Variants in DCAF10 observed in about 807,000 individuals in gnomAD.
The protein encoded by DCAF10 is DDB1 and CUL4 associated factor 10.
Under a neutral mutation model 51.9 loss-of-function variants are expected in DCAF10, and 19 were observed. That is an observed-to-expected ratio of 0.37 (90% CI 0.26 to 0.54). The LOEUF is 0.54. Ranked by LOEUF, DCAF10 falls within the 20% of genes least tolerant of loss-of-function variation. The pLI is 0.87. For missense variants in DCAF10, 510 were observed against 730.6 expected (o/e 0.70, Z 3.48); for synonymous variants, 291 against 297.1 (o/e 0.98, Z 0.21).
intron 2 of DCAF10, among the ~76,000 whole-genome samples, chr9:37,820,468 A>G (rs1265208887): frequency 6.6e-6 from 1 of 152,206 alleles, no homozygotes; most frequent in Non-Finnish European, 1.5e-5. Flanking sequence ...GTTTGGTTAA[A>G]ATATCTGTCT....
chr9:37,851,895 A>G (rs1033575416), intron 3 of DCAF10, among the ~76,000 whole-genome samples: 3 of 152,036 alleles, frequency 2.0e-5, no homozygotes, highest in African/African-American at 7.2e-5. Context: ...AATATAAAGA[A>G]GCAAGTTATA....
intron 3 of DCAF10, among the ~76,000 whole-genome samples, chr9:37,850,837 T>C (rs1830618708): frequency 1.4e-4 from 2 of 14,112 alleles, no homozygotes; most frequent in Non-Finnish European, 2.9e-4. Flanking sequence ...TATATATATA[T>C]ATATATATAT....
In DCAF10 at chr9:37,816,659, G is replaced by GGGGGGTGTGTGTGTGTGTGTGTGT. The variant is rs372664140; in HGVS notation, c.540-2628_540-2627insGGGGTGTGTGTGTGTGTGTGTGTG. Reference sequence around the variant, plus strand: ...AATCTCAATTAACATCTGCACCTGGGGTGTGTGTGTGTGTGTGTGTGTGTG... The same window carrying GGGGGGTGTGTGTGTGTGTGTGTGT: ...AATCTCAATTAACATCTGCACCTGGGGGGGGTGTGTGTGTGTGTGTGTGTGTGTGTGTGTGTGTGTGTGTGTGTG... On this transcript the variant is annotated intron_variant, in intron 1 of 6. Coordinates refer to ENST00000377724, the MANE Select transcript of DCAF10 (RefSeq NM_024345.5). 2.6e-3 allele frequency among the ~76,000 whole-genome samples: 372 copies of GGGGGGTGTGTGTGTGTGTGTGTGT among 144,960 alleles called. 2 individuals are homozygous for GGGGGGTGTGTGTGTGTGTGTGTGT. Among genetic ancestry groups the GGGGGGTGTGTGTGTGTGTGTGTGT allele is most frequent in the East Asian group, 3.9e-3 (19 of 4,924 alleles).
rs1831051327 is a variant in DCAF10 at position 37,862,834 on chromosome 9, C to T, written c.*1326C>T. On this transcript the variant is annotated 3_prime_UTR_variant, in exon 7 of 7. Coordinates refer to ENST00000377724, the MANE Select transcript of DCAF10 (RefSeq NM_024345.5). ...CTTAGGTTGCATTCTCTTTAGGCCA[C>T]TGGTTCTCAAACATTAGGGTGCACT... is the stretch of plus-strand genomic sequence containing the variant. The T allele has an allele frequency of 6.6e-6, 1 of 152,214 alleles. No individual in the cohort carries two copies. The highest frequency in any genetic ancestry group is 1.5e-5 in the Non-Finnish European group (1 of 68,068). The allele number at this position is 152,214 out of a possible 1,614,324, so 9.4% of individuals were successfully genotyped here. A position where few individuals can be genotyped will look rare whatever the true frequency, so the allele number is the denominator to read the frequency against.
At chr9:37,857,216 T>C in intron 4 of DCAF10, 25 bp from the exon 5 acceptor site, 2 of 1,534,296 alleles carry the variant, frequency 1.3e-6, no homozygotes, top group Non-Finnish European at 1.8e-6. Flanking sequence ...CTAGGTTTAT[T>C]GTCAGAATTT....
chr9:37,857,381 G>A (rs1274064769), intron 5 of DCAF10, 30 bp downstream of exon 5: 6 of 1,469,282 alleles, frequency 4.1e-6, no homozygotes, highest in Non-Finnish European at 5.6e-6. Flanking sequence ...TTATAATCTT[G>A]TAACAACAGA....
intron 5 of DCAF10, among the ~76,000 whole-genome samples, chr9:37,857,651 A>G (rs1307155728): frequency 6.6e-6 from 1 of 152,216 alleles, no homozygotes; most frequent in Admixed American, 6.5e-5. Flanking sequence ...TGTTGTGAAA[A>G]TTAAGTGAGA....
rs751004535 is a variant in DCAF10 at position 37,801,433 on chromosome 9, G to A, written c.539+28G>A. ...AAGCGCGGCCCCTCGGAGGGCGGGC[G>A]CCCGCCTCCGCCCGGCTCTGCTGCC... On this transcript the variant is annotated intron_variant, in intron 1 of 6. Coordinates refer to ENST00000377724, the MANE Select transcript of DCAF10 (RefSeq NM_024345.5). This position sits in a 1 kb window ranked among gnomAD's most constrained non-coding sequence, Gnocchi z 5.5. 1.4e-6 allele frequency: 2 copies of A among 1,404,578 alleles called. No homozygotes were observed. The highest frequency in any genetic ancestry group is 1.5e-5 in the African/African-American group (1 of 66,628). 87.0% of individuals were successfully genotyped at this position (1,404,578 alleles called of 1,614,324 possible). A position where few individuals can be genotyped will look rare whatever the true frequency, so the allele number is the denominator to read the frequency against.
chr9:37,810,458 TC>T (rs1829303377), intron 1 of DCAF10, among the ~76,000 whole-genome samples: 1 of 142,688 alleles, frequency 7.0e-6, no homozygotes, highest in Non-Finnish European at 1.6e-5. Flanking sequence ...TTTCTTTCTT[TC>T]TTTCTTTTTT....
rs572576722 is a variant in DCAF10 at position 37,833,191 on chromosome 9, A to G, written c.654-8898A>G. Among the ~76,000 whole-genome samples the G allele has an allele frequency of 2.0e-5, 3 of 152,386 alleles. No individual in the cohort carries two copies. In the South Asian group the frequency reaches 6.2e-4, roughly 32 times the overall value. ...ATACTACAAATTCAAATATGAAGTA[A>G]GGATGTCATATTCTGCTATCATTAT... On this transcript the variant is annotated intron_variant, in intron 2 of 6. Coordinates refer to ENST00000377724, the MANE Select transcript of DCAF10 (RefSeq NM_024345.5).
At chr9:37,847,192 G>A (rs951471493) in intron 3 of DCAF10, among the ~76,000 whole-genome samples, 3 of 140,638 alleles carry the variant, frequency 2.1e-5, no homozygotes, top group Non-Finnish European at 4.5e-5. Flanking sequence ...GGTGGAAGTT[G>A]CAGTGAGCCA....
At chr9:37,821,125 A>G (rs1829690310) in intron 2 of DCAF10, among the ~76,000 whole-genome samples, 2 of 152,146 alleles carry the variant, frequency 1.3e-5, no homozygotes, top group African/African-American at 4.8e-5. Context: ...ACACTCACAC[A>G]TATGTACATT....
intron 2 of DCAF10, chr9:37,836,235 C>CT: frequency 7.1e-6 from 11 of 1,549,084 alleles, no homozygotes; most frequent in Non-Finnish European, 9.8e-6. Context: ...GTTAGAACAT[C>CT]TAACTGGAAG....
chr9:37,822,110 A>G (rs1829721010), intron 2 of DCAF10, among the ~76,000 whole-genome samples: 2 of 152,166 alleles, frequency 1.3e-5, no homozygotes, highest in African/African-American at 4.8e-5. Flanking sequence ...CAAAAAATCA[A>G]AAAACAGTAG....
intron 2 of DCAF10, among the ~76,000 whole-genome samples, chr9:37,828,125 C>CT: frequency 6.6e-6 from 1 of 152,210 alleles, no homozygotes; most frequent in East Asian, 1.9e-4. Context: ...TGACCTCAAG[C>CT]GATCCTCCCA....
chr9:37,860,241 G>A (rs1259918622), intron 6 of DCAF10, 48 bp downstream of exon 6: 1 of 1,610,228 alleles, frequency 6.2e-7, no homozygotes, highest in South Asian at 1.1e-5. Flanking sequence ...TGGACAAATT[G>A]CCATTGCCGT....
intron 1 of DCAF10, among the ~76,000 whole-genome samples, chr9:37,816,974 A>T (rs757759729): frequency 1.8e-4 from 27 of 152,192 alleles, no homozygotes; most frequent in Non-Finnish European, 3.7e-4. Flanking sequence ...AGTAAAGCAA[A>T]TGAGGGAGTC....
chr9:37,807,819 C>T (rs771157747), intron 1 of DCAF10, among the ~76,000 whole-genome samples: 7 of 151,838 alleles, frequency 4.6e-5, no homozygotes, highest in Non-Finnish European at 7.4e-5. Flanking sequence ...TGCACCACCA[C>T]GCTCGGCTAA....
chr9:37,847,047 A>G (rs1830494122), intron 3 of DCAF10, among the ~76,000 whole-genome samples: 1 of 151,866 alleles, frequency 6.6e-6, no homozygotes, highest in Admixed American at 6.6e-5. Flanking sequence ...TGAGGTCAGG[A>G]GTTCAAGACC....
Sources: gnomAD v4.1 joint callset for allele counts (sites outside exome capture counted in the v4.1 genomes callset) on GRCh38, gnomAD v4.1.1 for gene constraint, Gnocchi (gnomAD v3.1) non-coding constraint, MANE v1.5 for transcripts, NCBI Gene and HGNC (gene_info 2026-07-23, HGNC 2026-07-21) for gene names.